Variants in NALCN observed in about 807,000 individuals in gnomAD.
NALCN encodes sodium leak channel, non-selective.
Under a neutral mutation model 225.3 loss-of-function variants are expected in NALCN, and 111 were observed. The observed-to-expected ratio is 0.49, with a 90% CI of 0.42 to 0.58. The LOEUF is 0.58. Among genes scored for constraint, NALCN ranks in the 20% least tolerant of loss-of-function variants. NALCN has a pLI of 0.00. For synonymous variants in NALCN, 764 were observed against 769.0 expected, an observed-to-expected ratio of 0.99 and a Z score of 0.11; for missense variants, 1,378 against 2,202.4, an observed-to-expected ratio of 0.63 and a Z score of 7.49.
chr13:101,348,778 G>A (rs1163968853), intron 6 of NALCN, among the ~76,000 whole-genome samples: 1 of 151,990 alleles, frequency 6.6e-6, no homozygotes, highest in Non-Finnish European at 1.5e-5. Context: ...CCAACATCAA[G>A]TTATTAGCAA....
Position 101,107,550 on chromosome 13 carries a change from A to G in NALCN, c.2516T>C (p.Ile839Thr), listed in dbSNP as rs2035195851. 3 of 1,614,162 alleles carry G rather than the reference A, an allele frequency of 1.9e-6. No homozygotes were observed. The highest frequency in any genetic ancestry group is 2.5e-6 in the Non-Finnish European group (3 of 1,179,988). The change falls in exon 22 of 44, where the codon ATT (isoleucine) becomes ACT (threonine). Residue 839 changes from isoleucine to threonine, a missense_variant. By Grantham distance (89) the Ile-to-Thr change is moderately conservative (BLOSUM62 -1). Around this residue, in one of 19 missense-constraint regions of NALCN, gnomAD observed 292 missense variants for 409.5 expected, o/e 0.71. Transcript: ENST00000251127. The stretch of plus-strand genomic sequence containing the variant: ...TCTGAACCTGTGTTCTCGCCCGACA[A>G]TGAACAGTGGCTTATCGAAGTATGG... ...NHPYFDKPLF[I>T]VGREHRFRNF...
intron 7 of NALCN, among the ~76,000 whole-genome samples, chr13:101,295,214 T>G (rs897466528): frequency 2.0e-5 from 3 of 152,208 alleles, no homozygotes; most frequent in Non-Finnish European, 2.9e-5. Flanking sequence ...TATTGATGAT[T>G]CATAGGTACT....
chr13:101,197,204 T>TGG (rs1242454937), intron 13 of NALCN, among the ~76,000 whole-genome samples: 1 of 152,160 alleles, frequency 6.6e-6, no homozygotes, highest in Non-Finnish European at 1.5e-5. Context: ...GTTTCGTTGT[T>TGG]TTTCCAAGTT....
intron 2 of NALCN, among the ~76,000 whole-genome samples, 187 bp downstream of exon 2, chr13:101,398,832 A>T (rs1461126780): frequency 6.6e-6 from 1 of 152,072 alleles, no homozygotes; most frequent in Non-Finnish European, 1.5e-5. Context: ...GCATCTTCCT[A>T]TGTGAGTAAC....
chr13:101,096,942 C>T (rs967990995), intron 27 of NALCN, among the ~76,000 whole-genome samples: 2 of 152,086 alleles, frequency 1.3e-5, no homozygotes, highest in Non-Finnish European at 2.9e-5. Flanking sequence ...ATCTGCTTCA[C>T]GTCCTCTTTG....
chr13:101,230,739 C>T (rs569909334), intron 12 of NALCN, among the ~76,000 whole-genome samples: 2 of 152,296 alleles, frequency 1.3e-5, no homozygotes, highest in South Asian at 4.2e-4. Flanking sequence ...TACTTACCAA[C>T]TGCTGCAGAG....
chr13:101,374,155 A>G (rs1464292471), intron 6 of NALCN, among the ~76,000 whole-genome samples: 2 of 152,120 alleles, frequency 1.3e-5, no homozygotes, highest in African/African-American at 2.4e-5. Context: ...ATGCAAAAAT[A>G]AAAGTTATAT....
chr13:101,111,374 T>G, intron 18 of NALCN, 148 bp from the exon 19 acceptor site: 2 of 608,564 alleles, frequency 3.3e-6, no homozygotes, highest in Non-Finnish European at 5.3e-6. Context: ...TAAAGGAAAA[T>G]GAACTTTACG....
At chr13:101,099,374 A>T (rs111530726) in intron 27 of NALCN, among the ~76,000 whole-genome samples, 211 of 152,204 alleles carry the variant, frequency 1.4e-3, no homozygotes, top group South Asian at 1.9e-3. Context: ...CTGAACAAAG[A>T]TGTTACCTGT....
chr13:101,125,681 G>T (rs2036195413), intron 17 of NALCN, among the ~76,000 whole-genome samples: 1 of 152,194 alleles, frequency 6.6e-6, no homozygotes, highest in Non-Finnish European at 1.5e-5. Context: ...GATCAGAGGG[G>T]CTGGAGCTCT....
At position 101,388,821 on chromosome 13, in the gene NALCN, T is replaced by C. The variant is rs562074058; in HGVS notation, c.291+6362A>G. ...ATGGAACCCTTAAGAAGTCAACACA[T>C]GGCAATTTCAATCATAAAATGCTTC... is the stretch of plus-strand genomic sequence containing the variant. On this transcript the variant is annotated intron_variant, in intron 3 of 43. Transcript: ENST00000251127. 2.5e-4 allele frequency among the ~76,000 whole-genome samples: 38 copies of C among 152,342 alleles called. No individual in the cohort carries two copies. In the East Asian group the frequency reaches 6.9e-3, roughly 28 times the overall value.
chr13:101,340,870 C>T (rs937889117), intron 7 of NALCN, among the ~76,000 whole-genome samples: 2 of 152,110 alleles, frequency 1.3e-5, no homozygotes, highest in African/African-American at 2.4e-5. Context: ...AATATTATTA[C>T]TCATATTGAA....
chr13:101,291,340 A>G (rs1438897308), intron 9 of NALCN, among the ~76,000 whole-genome samples: 2 of 152,196 alleles, frequency 1.3e-5, no homozygotes, highest in African/African-American at 4.8e-5. Context: ...AAAGTAAGAA[A>G]TTCCATAGTG....
intron 1 of NALCN, among the ~76,000 whole-genome samples, chr13:101,407,028 AT>A (rs1171515026): frequency 1.3e-5 from 2 of 152,292 alleles, no homozygotes; most frequent in South Asian, 2.1e-4. Context: ...AATGTATGTA[AT>A]TTTTTACAGA....
intron 14 of NALCN, chr13:101,181,167 A>G (rs776391638): frequency 3.9e-6 from 2 of 518,784 alleles, no homozygotes; most frequent in South Asian, 1.4e-5. Context: ...CAAGGAGAAG[A>G]CTGATTTTGG....
At chr13:101,237,207 G>A (rs986979237) in intron 12 of NALCN, among the ~76,000 whole-genome samples, 3 of 151,732 alleles carry the variant, frequency 2.0e-5, no homozygotes, top group Non-Finnish European at 1.5e-5. Context: ...ATTATTACAA[G>A]TTAAATAAGA....
chr13:101,386,602 T>C (rs565256947), intron 3 of NALCN, among the ~76,000 whole-genome samples: 54 of 152,036 alleles, frequency 3.6e-4, no homozygotes, highest in African/African-American at 1.3e-3. Flanking sequence ...TTTATATTTA[T>C]ACATATTTTA....
intron 6 of NALCN, among the ~76,000 whole-genome samples, chr13:101,349,597 T>C (rs2045846968): frequency 6.6e-6 from 1 of 151,672 alleles, no homozygotes; most frequent in South Asian, 2.1e-4. Context: ...CTCTGCTGGC[T>C]TTGAAGGTGC....
intron 7 of NALCN, among the ~76,000 whole-genome samples, chr13:101,319,848 C>T (rs1014961539): frequency 3.4e-4 from 52 of 152,212 alleles, no homozygotes; most frequent in African/African-American, 1.2e-3. Flanking sequence ...TAATTCACTG[C>T]TGTGAAAACT....
Sources: allele counts gnomAD v4.1 joint callset (sites outside exome capture counted in the v4.1 genomes callset), GRCh38; gene constraint gnomAD v4.1.1; regional missense constraint gnomAD v4.1.1; transcripts MANE v1.5; gene names NCBI Gene and HGNC (gene_info 2026-07-23, HGNC 2026-07-21).